Variants in CADM2 observed in about 807,000 individuals in gnomAD.
The protein encoded by CADM2 is immunoglobulin superfamily member 4D.
Under a neutral mutation model 49.8 loss-of-function variants are expected in CADM2, and 12 were observed. The ratio of observed to expected loss-of-function variants is 0.24; its 90% CI spans 0.15 to 0.39. CADM2 has a LOEUF of 0.39. Ranked by LOEUF, CADM2 falls within the 10% of genes least tolerant of loss-of-function variation. CADM2 has a pLI of 1.00. For synonymous variants in CADM2, 214 were observed against 175.4 expected, an observed-to-expected ratio of 1.22 and a Z score of -1.74; for missense variants, 378 against 492.3, an observed-to-expected ratio of 0.77 and a Z score of 2.20.
At chr3:85,187,049 C>G (rs2041081902) in intron 1 of CADM2, among the ~76,000 whole-genome samples, 1 of 152,090 alleles carries the variant, frequency 6.6e-6, no homozygotes, top group Non-Finnish European at 1.5e-5. Flanking sequence ...GGGGTCATTA[C>G]ATATATTATT....
chr3:85,374,316 G>T (rs2033458187), intron 1 of CADM2, among the ~76,000 whole-genome samples: 1 of 152,128 alleles, frequency 6.6e-6, no homozygotes, highest in African/African-American at 2.4e-5. Flanking sequence ...TGGGGCAAAT[G>T]CTTCCAATCT....
intron 6 of CADM2, among the ~76,000 whole-genome samples, chr3:85,932,152 T>C (rs1478897235): frequency 6.6e-6 from 1 of 151,792 alleles, no homozygotes; most frequent in East Asian, 1.9e-4. Flanking sequence ...ATTTGAAAAT[T>C]ATTTAGAAGA....
chr3:84,978,003 G>C (rs766823000), intron 1 of CADM2, among the ~76,000 whole-genome samples: 3 of 152,054 alleles, frequency 2.0e-5, no homozygotes, highest in Non-Finnish European at 4.4e-5. Context: ...TTTGCAAAAA[G>C]TTTGTCTTCT....
intron 1 of CADM2, among the ~76,000 whole-genome samples, chr3:85,722,856 C>G (rs1388217111): frequency 6.6e-6 from 1 of 152,062 alleles, no homozygotes; most frequent in East Asian, 1.9e-4. Flanking sequence ...TTAAGAGTCC[C>G]TAAATCTTTG....
At chr3:85,879,181 T>G (rs1003286284) in intron 3 of CADM2, among the ~76,000 whole-genome samples, 6 of 151,910 alleles carry the variant, frequency 3.9e-5, no homozygotes, top group Admixed American at 2.0e-4. Context: ...TGTGCCCTAC[T>G]ACTTTCCTCT....
chr3:85,492,914 C>T (rs977024314), intron 1 of CADM2, among the ~76,000 whole-genome samples: 29 of 151,960 alleles, frequency 1.9e-4, no homozygotes, highest in African/African-American at 6.5e-4. Context: ...TCATACTTTG[C>T]CTGGTACTAG....
intron 1 of CADM2, among the ~76,000 whole-genome samples, chr3:85,058,821 C>T (rs1268731745): frequency 2.0e-5 from 3 of 152,074 alleles, no homozygotes; most frequent in Non-Finnish European, 4.4e-5. Flanking sequence ...TTCTATTATA[C>T]TTGTTTAAAC....
At chr3:86,041,201 A>C (rs1735870998) in intron 8 of CADM2, among the ~76,000 whole-genome samples, 1 of 152,234 alleles carries the variant, frequency 6.6e-6, no homozygotes, top group Non-Finnish European at 1.5e-5. Context: ...AGCTAACATC[A>C]TAATGACAGG....
intron 1 of CADM2, among the ~76,000 whole-genome samples, chr3:85,570,579 T>C (rs936912701): frequency 2.0e-5 from 3 of 152,132 alleles, no homozygotes; most frequent in African/African-American, 4.8e-5. Context: ...TATGGTCTTT[T>C]GTGAGCACAA....
chr3:85,484,513 A>G (rs550831831), intron 1 of CADM2, among the ~76,000 whole-genome samples: 19 of 151,938 alleles, frequency 1.3e-4, no homozygotes, highest in Non-Finnish European at 2.8e-4. Context: ...TGTATTCTAT[A>G]TAGAGCCAAC....
rs533245265 is a variant in CADM2, at chr3:85,844,735, C to T, written c.239-38556C>T. 1.9e-3 allele frequency among the ~76,000 whole-genome samples: 290 copies of T among 152,238 alleles called. 1 individual carries two copies. The highest frequency in any genetic ancestry group is 7.1e-3 in the South Asian group (34 of 4,822). ...GATATTAGTATATTAATAATACACA[C>T]ATGTATACCATATGTAACGAGTGTA... On this transcript the variant is annotated intron_variant, in intron 3 of 9. Transcript: ENST00000383699.
At position 85,430,024 on chromosome 3, in the gene CADM2, A is replaced by C. The variant is rs137864989; in HGVS notation, c.62-296498A>C. 2.2e-3 allele frequency among the ~76,000 whole-genome samples: 335 copies of C among 152,238 alleles called. 2 individuals are homozygous for C. The highest frequency in any genetic ancestry group is 7.6e-3 in the African/African-American group (315 of 41,556). ...TGTAAATAACGGGATTAGATGGGGA[A>C]ATTTTGAATGAACACATGATGGATC... is the stretch of plus-strand genomic sequence containing the variant. On this transcript the variant is annotated intron_variant, in intron 1 of 9. Coordinates refer to ENST00000383699, the MANE Select transcript of CADM2 (RefSeq NM_001167675.2).
rs2036599646 is a variant in CADM2, at chr3:85,430,255, T to C, written c.62-296267T>C. 2.0e-5 allele frequency among the ~76,000 whole-genome samples: 3 copies of C among 152,186 alleles called. No homozygotes were observed. The South Asian group carries it at 6.2e-4, about 31-fold the overall frequency. On this transcript the variant is annotated intron_variant, in intron 1 of 9. Transcript: ENST00000383699. ...ATAGCTTTCCTAGGGTATTTGATCC[T>C]GAGCTTAGCAAAATCCTCCCGTGGA... is the stretch of plus-strand genomic sequence containing the variant.
At chr3:85,057,147 T>A (rs1345635205) in intron 1 of CADM2, among the ~76,000 whole-genome samples, 1 of 152,156 alleles carries the variant, frequency 6.6e-6, no homozygotes, top group South Asian at 2.1e-4. Context: ...CAACAACTTA[T>A]ATGTGAGTAC....
At chr3:85,479,766 C>G in intron 1 of CADM2, among the ~76,000 whole-genome samples, 1 of 151,876 alleles carries the variant, frequency 6.6e-6, no homozygotes, top group East Asian at 1.9e-4. Flanking sequence ...GGCAGTAACT[C>G]ACTTAAGAAT....
intron 6 of CADM2, among the ~76,000 whole-genome samples, chr3:85,924,256 T>A (rs1719530768): frequency 6.6e-6 from 1 of 152,126 alleles, no homozygotes; most frequent in Admixed American, 6.6e-5. Context: ...TAGAACTGTT[T>A]CAAATGCACT....
chr3:85,021,702 G>T (rs2034519386), intron 1 of CADM2, among the ~76,000 whole-genome samples: 1 of 152,112 alleles, frequency 6.6e-6, no homozygotes. Flanking sequence ...TTGAACCCAG[G>T]AAGCGGAGGT....
intron 1 of CADM2, among the ~76,000 whole-genome samples, chr3:85,594,489 G>A (rs2063190100): frequency 6.6e-6 from 1 of 151,940 alleles, no homozygotes; most frequent in South Asian, 2.1e-4. Flanking sequence ...TAAAGTAACT[G>A]GCAGAGATGT....
At chr3:85,524,242 T>C (rs2061103416) in intron 1 of CADM2, among the ~76,000 whole-genome samples, 5 of 152,112 alleles carry the variant, frequency 3.3e-5, no homozygotes, top group Admixed American at 3.3e-4. Context: ...ACACTGATCT[T>C]TATTATTCTA....
Sources: gnomAD v4.1 joint callset for allele counts (sites outside exome capture counted in the v4.1 genomes callset) on GRCh38, gnomAD v4.1.1 for gene constraint, MANE v1.5 for transcripts, NCBI Gene and HGNC (gene_info 2026-07-23, HGNC 2026-07-21) for gene names.